The following AIG1 variants were observed in gnomAD, a reference collection of about 807,000 sequenced individuals.
AIG1 encodes androgen induced 1.
Under a neutral mutation model 31.4 loss-of-function variants are expected in AIG1, and 23 were observed. The ratio of observed to expected loss-of-function variants is 0.73; its 90% CI spans 0.53 to 1.04. The LOEUF (loss-of-function observed/expected upper bound fraction) is 1.04. AIG1 is among the 50% of genes least tolerant of loss of function. The pLI, the probability that AIG1 is intolerant of heterozygous loss-of-function variation, is 0.00. For synonymous variants in AIG1, 100 were observed against 110.5 expected, an observed-to-expected ratio of 0.90 and a Z score of 0.60; for missense variants, 274 against 295.0, an observed-to-expected ratio of 0.93 and a Z score of 0.52.
In AIG1 at chr6:143,339,834, C is replaced by T. The variant is rs1347251382; in HGVS notation, c.*158C>T. 3.5e-6 allele frequency: 2 copies of T among 570,668 alleles called. No individual in the cohort carries two copies. Among genetic ancestry groups the T allele is most frequent in the Non-Finnish European group, 5.9e-6 (2 of 340,558 alleles). The allele number at this position is 570,668 out of a possible 1,614,324, so 35.4% of individuals were successfully genotyped here. A position where few individuals can be genotyped will look rare whatever the true frequency, so the allele number is the denominator to read the frequency against. ...CCTTTTATATATAAATATGTATAAA[C>T]ATAGAATACAGTTGTTTCCAAAAGA... On this transcript the variant is annotated 3_prime_UTR_variant, in exon 6 of 6. Coordinates refer to ENST00000357847, the MANE Select transcript of AIG1 (RefSeq NM_016108.4).
chr6:143,142,289 G>A (rs867040780), intron 2 of AIG1, among the ~76,000 whole-genome samples: 1 of 152,068 alleles, frequency 6.6e-6, no homozygotes, highest in Non-Finnish European at 1.5e-5. Context: ...TCCCAGGCTG[G>A]TCTTGAACTC....
chr6:143,256,107 T>C lies in AIG1; in HGVS notation c.400-28003T>C, dbSNP rs1795360167. Among the ~76,000 whole-genome samples, 1 of 152,154 alleles carries C rather than the reference T, an allele frequency of 6.6e-6. No individual in the cohort carries two copies. The highest frequency in any genetic ancestry group is 6.5e-5 in the Admixed American group (1 of 15,278). ...TTATAAATCAAATTTCTGAGCTAGA[T>C]AAACAGAATCCAAATTCAAAAGTAA... On this transcript the variant is annotated intron_variant, in intron 3 of 5. Transcript: ENST00000357847. This position sits in a 1 kb window ranked among gnomAD's most constrained non-coding sequence, Gnocchi z 4.6.
intron 3 of AIG1, among the ~76,000 whole-genome samples, chr6:143,216,897 T>C (rs1382975591): frequency 6.6e-6 from 1 of 152,182 alleles, no homozygotes; most frequent in Non-Finnish European, 1.5e-5. Flanking sequence ...GGCACCATCA[T>C]TTAAATAATC....
chr6:143,192,894 A>G (rs537921737), intron 3 of AIG1, among the ~76,000 whole-genome samples: 1 of 152,342 alleles, frequency 6.6e-6, no homozygotes, highest in Non-Finnish European at 1.5e-5. Context: ...TGGAGTACAT[A>G]AATCTTTAAG....
intron 2 of AIG1, among the ~76,000 whole-genome samples, chr6:143,143,279 G>T (rs1456039276): frequency 6.6e-6 from 1 of 150,800 alleles, no homozygotes; most frequent in Non-Finnish European, 1.5e-5. Flanking sequence ...AAATGATCAT[G>T]AGGTCAGGAG....
In AIG1 at chr6:143,298,812, A is replaced by G. The variant is rs186898711; in HGVS notation, c.515+14587A>G. 6.6e-6 allele frequency: 1 copy of G among 152,468 alleles called. No individual in the cohort carries two copies. Among genetic ancestry groups the G allele is most frequent in the African/African-American group, 2.4e-5 (1 of 41,568 alleles). 9.4% of individuals were successfully genotyped at this position (152,468 alleles called of 1,614,324 possible). ...CAAACTCATCAGACTCTTGCTTGCT[A>G]TTCCACATCTGCTGGAAGGTCAAGA... On this transcript the variant is annotated intron_variant, in intron 4 of 5. Transcript: ENST00000357847. This position sits in a 1 kb window ranked among gnomAD's most constrained non-coding sequence, Gnocchi z 5.1.
At chr6:143,269,799 G>C (rs753635291) in intron 3 of AIG1, among the ~76,000 whole-genome samples, 12 of 152,192 alleles carry the variant, frequency 7.9e-5, no homozygotes, top group Non-Finnish European at 1.5e-4. Context: ...AAGTCAGAGT[G>C]GTGGTTGCCT....
chr6:143,328,450 G>A lies in AIG1; in HGVS notation c.516-4832G>A, dbSNP rs1776784722. ...AAGAAAGACTAAAGGCAAGTGGGAG[G>A]TTTAAAAAAAGTTGGGGAATAATCC... On this transcript the variant is annotated intron_variant, in intron 4 of 5. Coordinates refer to ENST00000357847, the MANE Select transcript of AIG1 (RefSeq NM_016108.4). This position sits in a 1 kb window ranked among gnomAD's most constrained non-coding sequence, Gnocchi z 4.0. 6.6e-6 allele frequency among the ~76,000 whole-genome samples: 1 copy of A among 152,114 alleles called. No individual in the cohort carries two copies. Among genetic ancestry groups the A allele is most frequent in the Non-Finnish European group, 1.5e-5 (1 of 68,002 alleles).
intron 1 of AIG1, among the ~76,000 whole-genome samples, chr6:143,066,865 G>C (rs1216396695): frequency 1.3e-5 from 2 of 151,906 alleles, no homozygotes; most frequent in East Asian, 1.9e-4. Flanking sequence ...TTATCACTCA[G>C]ATATTTATTT....
intron 3 of AIG1, among the ~76,000 whole-genome samples, chr6:143,224,814 A>G (rs147499337): frequency 7.2e-5 from 11 of 152,228 alleles, no homozygotes; most frequent in African/African-American, 2.6e-4. Context: ...AGTCCCTGAC[A>G]TTAAGACCAT....
chr6:143,085,222 G>C (rs1778653664), intron 1 of AIG1, among the ~76,000 whole-genome samples: 1 of 152,140 alleles, frequency 6.6e-6, no homozygotes. Flanking sequence ...GGGTGTTTTT[G>C]CCTTGTGGAG....
At chr6:143,130,360 T>C (rs931703842) in intron 1 of AIG1, among the ~76,000 whole-genome samples, 1 of 152,044 alleles carries the variant, frequency 6.6e-6, no homozygotes, top group Non-Finnish European at 1.5e-5. Flanking sequence ...CTATGAAGGC[T>C]CAAAAGAGAA....
Position 143,087,596 on chromosome 6 carries a change from G to A in AIG1, c.141+26530G>A, listed in dbSNP as rs186842689. On this transcript the variant is annotated intron_variant, in intron 1 of 5. Coordinates refer to ENST00000357847, the MANE Select transcript of AIG1 (RefSeq NM_016108.4). ...CAAACAACAGTGGTGGACAGCGAGC[G>A]AAAGCTCAGCTCAAGCTGTGAAAAG... 2.5e-3 allele frequency among the ~76,000 whole-genome samples: 378 copies of A among 152,328 alleles called. 3 individuals are homozygous for A. The highest frequency in any genetic ancestry group is 8.6e-3 in the African/African-American group (358 of 41,578).
At chr6:143,199,340 G>C (rs1226074277) in intron 3 of AIG1, among the ~76,000 whole-genome samples, 3 of 152,002 alleles carry the variant, frequency 2.0e-5, no homozygotes, top group Non-Finnish European at 4.4e-5. Flanking sequence ...GTCTGAATTT[G>C]CTTTAAAATA....
intron 1 of AIG1, among the ~76,000 whole-genome samples, chr6:143,113,826 G>C (rs760579798): frequency 2.6e-5 from 4 of 151,718 alleles, no homozygotes; most frequent in Non-Finnish European, 4.4e-5. Flanking sequence ...CCAGGCTAGA[G>C]TGCAGTGGCG....
chr6:143,071,755 T>C (rs1392913338), intron 1 of AIG1, among the ~76,000 whole-genome samples: 3 of 151,642 alleles, frequency 2.0e-5, no homozygotes, highest in Non-Finnish European at 4.4e-5. Flanking sequence ...TTCCTCCTTC[T>C]TCTCTTCTTT....
intron 1 of AIG1, among the ~76,000 whole-genome samples, chr6:143,130,098 T>G (rs1322801483): frequency 1.3e-5 from 2 of 151,924 alleles, no homozygotes; most frequent in African/African-American, 2.4e-5. Context: ...GCCCAGCTAA[T>G]TTTTGCACTT....
intron 1 of AIG1, among the ~76,000 whole-genome samples, chr6:143,088,751 A>G (rs1275644909): frequency 1.3e-5 from 2 of 152,248 alleles, no homozygotes; most frequent in Non-Finnish European, 2.9e-5. Context: ...CAATGAACAC[A>G]GATCTACCAA....
intron 3 of AIG1, among the ~76,000 whole-genome samples, chr6:143,212,677 C>T (rs1156920959): frequency 6.6e-6 from 1 of 152,180 alleles, no homozygotes; most frequent in Non-Finnish European, 1.5e-5. Context: ...GTGCCACACT[C>T]TTCAGGAGAG....
Sources: gnomAD v4.1 joint callset for allele counts (sites outside exome capture counted in the v4.1 genomes callset) on GRCh38, gnomAD v4.1.1 for gene constraint, Gnocchi (gnomAD v3.1) non-coding constraint, MANE v1.5 for transcripts, NCBI Gene and HGNC (gene_info 2026-07-23, HGNC 2026-07-21) for gene names.